The following TRDN variants were observed in gnomAD, a reference collection of about 807,000 sequenced individuals.
TRDN encodes the protein triadin.
A neutral mutation model predicts 149.7 loss-of-function variants in TRDN; 161 were observed. The ratio of observed to expected loss-of-function variants is 1.08; its 90% CI spans 0.95 to 1.23. The LOEUF (loss-of-function observed/expected upper bound fraction) is 1.23. Among genes scored for constraint, TRDN ranks in the 50% most tolerant of loss-of-function variants. TRDN has a pLI of 0.00. For missense variants in TRDN, 896 were observed against 823.5 expected (o/e 1.09, Z -1.08); for synonymous variants, 294 against 250.5 (o/e 1.17, Z -1.64).
intron 21 of TRDN, chr6:123,352,044 ATGGT>A (rs1780479353): frequency 1.0e-6 from 1 of 978,272 alleles, no homozygotes; most frequent in Non-Finnish European, 1.2e-6. Context: ...TCTTGGGAGA[ATGGT>A]TGAAGTCATA....
chr6:123,337,695 A>C, intron 21 of TRDN, 26 bp from the exon 22 acceptor site: 2 of 1,392,032 alleles, frequency 1.4e-6, no homozygotes, highest in Non-Finnish European at 1.9e-6. Flanking sequence ...TGGGAAGAAA[A>C]AGTTACAAGG....
chr6:123,516,667 T>C (rs111514144), intron 5 of TRDN, among the ~76,000 whole-genome samples: 2 of 152,094 alleles, frequency 1.3e-5, no homozygotes, highest in Non-Finnish European at 2.9e-5. Context: ...CTACACTAAA[T>C]GTTTTAAAAA....
rs78333772 is a variant in TRDN at position 123,277,966 on chromosome 6, C to A, written c.1567+352G>T. On this transcript the variant is annotated intron_variant, in intron 26 of 40. Transcript: ENST00000334268. ...GCCTACTGTAGCCTTCAGAAATGTT[C>A]ATCTGACTCAGAAGCCTCAAAAGAG... Among the ~76,000 whole-genome samples the A allele has an allele frequency of 3.2e-3, 484 of 152,266 alleles. 4 individuals carry two copies. Among genetic ancestry groups the A allele is most frequent in the African/African-American group, 0.011 (451 of 41,562 alleles).
intron 6 of TRDN, among the ~76,000 whole-genome samples, chr6:123,513,635 A>G (rs1779280134): frequency 6.6e-6 from 1 of 152,176 alleles, no homozygotes. Flanking sequence ...ATGGAAATTG[A>G]ACATGAAGAA....
intron 8 of TRDN, among the ~76,000 whole-genome samples, chr6:123,500,750 TG>T (rs1778662964): frequency 6.6e-6 from 1 of 152,122 alleles, no homozygotes; most frequent in South Asian, 2.1e-4. Flanking sequence ...ACATTCTGGG[TG>T]CAGAATGTCA....
In TRDN at chr6:123,231,083, A is replaced by G. The variant is rs538629211; in HGVS notation, c.1976-6952T>C. Among the ~76,000 whole-genome samples, 341 of 152,184 alleles carry G rather than the reference A, an allele frequency of 2.2e-3. 1 individual carries two copies. The highest frequency in any genetic ancestry group is 7.7e-3 in the African/African-American group (320 of 41,554). ...ATTTTAAAAAGTGTTGAAAGAAGGC[A>G]TGAAGCTAACTTTCCTCAACATCAA... On this transcript the variant is annotated intron_variant, in intron 38 of 40. Coordinates refer to ENST00000334268, the MANE Select transcript of TRDN (RefSeq NM_006073.4).
At chr6:123,577,340 T>C (rs1782909491) in intron 1 of TRDN, among the ~76,000 whole-genome samples, 2 of 152,098 alleles carry the variant, frequency 1.3e-5, no homozygotes, top group South Asian at 4.1e-4. Flanking sequence ...GTTGTTCCCT[T>C]CTTTGCATTC....
At chr6:123,635,300 T>TGATA (rs1435298396) in intron 1 of TRDN, among the ~76,000 whole-genome samples, 1 of 146,890 alleles carries the variant, frequency 6.8e-6, no homozygotes. Flanking sequence ...AGAGTAAACC[T>TGATA]GATATCCTCT....
intron 20 of TRDN, among the ~76,000 whole-genome samples, chr6:123,365,932 T>A (rs569351302): frequency 6.6e-6 from 1 of 152,326 alleles, no homozygotes; most frequent in Admixed American, 6.5e-5. Flanking sequence ...TAACTAGCTT[T>A]AATTTATGGT....
chr6:123,368,751 A>AT (rs1250330912), intron 19 of TRDN, among the ~76,000 whole-genome samples: 1 of 151,908 alleles, frequency 6.6e-6, no homozygotes, highest in Non-Finnish European at 1.5e-5. Context: ...CTTTGGCACC[A>AT]TTTTTTTCTC....
intron 9 of TRDN, among the ~76,000 whole-genome samples, chr6:123,477,614 T>G (rs1434753475): frequency 4.6e-5 from 7 of 151,896 alleles, no homozygotes; most frequent in Non-Finnish European, 1.5e-5. Context: ...TGCACACGTA[T>G]GTTTATTGTG....
In TRDN at chr6:123,318,816, T is replaced by C. The variant is rs900736314; in HGVS notation, c.1472-2321A>G. ...GGAGAATATTTATACCAACTATGGG[T>C]ACAATACAACCAGAACCAACTTCGA... On this transcript the variant is annotated intron_variant, in intron 23 of 40. Coordinates refer to ENST00000334268, the MANE Select transcript of TRDN (RefSeq NM_006073.4). Among the ~76,000 whole-genome samples, 4 of 152,040 alleles carry C rather than the reference T, an allele frequency of 2.6e-5. No homozygotes were observed. The Admixed American group carries it at 2.6e-4, about 10-fold the overall frequency.
intron 7 of TRDN, among the ~76,000 whole-genome samples, chr6:123,507,891 T>C (rs555900390): frequency 1.9e-4 from 29 of 152,224 alleles, no homozygotes; most frequent in African/African-American, 7.0e-4. Context: ...TCAAGAAACA[T>C]ACTACACATG....
intron 24 of TRDN, among the ~76,000 whole-genome samples, chr6:123,301,692 G>A (rs370027737): frequency 3.9e-4 from 51 of 130,988 alleles, no homozygotes; most frequent in African/African-American, 9.4e-4. Flanking sequence ...TTTATTGTAC[G>A]TTTTCTTGTA....
At chr6:123,276,121 T>C (rs899568087) in intron 26 of TRDN, among the ~76,000 whole-genome samples, 7 of 152,120 alleles carry the variant, frequency 4.6e-5, no homozygotes, top group Non-Finnish European at 1.0e-4. Flanking sequence ...GGAGCTCTTA[T>C]GGCCTAATCA....
At chr6:123,487,754 A>G (rs1382237017) in intron 9 of TRDN, among the ~76,000 whole-genome samples, 2 of 152,084 alleles carry the variant, frequency 1.3e-5, no homozygotes, top group Non-Finnish European at 2.9e-5. Context: ...TCAATTTCAC[A>G]TGCACTATAA....
chr6:123,483,716 T>A (rs975039407), intron 9 of TRDN, among the ~76,000 whole-genome samples: 3 of 152,184 alleles, frequency 2.0e-5, no homozygotes, highest in Non-Finnish European at 4.4e-5. Context: ...ATTCATAATC[T>A]CTGACTGGAT....
intron 20 of TRDN, among the ~76,000 whole-genome samples, chr6:123,360,403 A>G (rs982410052): frequency 2.6e-5 from 4 of 152,228 alleles, no homozygotes; most frequent in Non-Finnish European, 5.9e-5. Context: ...CAAAGAAGCC[A>G]GAAATAAAGG....
chr6:123,628,994 T>C (rs1785822167), intron 1 of TRDN, among the ~76,000 whole-genome samples: 1 of 152,144 alleles, frequency 6.6e-6, no homozygotes, highest in Admixed American at 6.6e-5. Flanking sequence ...ATTCACAAAC[T>C]TGGCATTTTA....
Sources: allele counts gnomAD v4.1 joint callset (sites outside exome capture counted in the v4.1 genomes callset), GRCh38; gene constraint gnomAD v4.1.1; transcripts MANE v1.5; gene names NCBI Gene and HGNC (gene_info 2026-07-23, HGNC 2026-07-21).